TDRD7: variants seen among roughly 807,000 people sequenced by gnomAD.
The protein encoded by TDRD7 is tudor domain containing 7.
Under a neutral mutation model 109.8 loss-of-function variants are expected in TDRD7, and 47 were observed. The ratio of observed to expected loss-of-function variants is 0.43; its 90% CI spans 0.34 to 0.55. TDRD7 has a LOEUF of 0.55. Among genes scored for constraint, TDRD7 ranks in the 20% least tolerant of loss-of-function variants. TDRD7 has a pLI of 0.03. For missense variants in TDRD7, 1,164 were observed against 1,319.2 expected, an observed-to-expected ratio of 0.88 and a Z score of 1.82; for synonymous variants, 424 against 457.3, an observed-to-expected ratio of 0.93 and a Z score of 0.93.
chr9:97,468,976 C>T (rs1828866553), intron 8 of TDRD7, among the ~76,000 whole-genome samples: 1 of 152,212 alleles, frequency 6.6e-6, no homozygotes, highest in Non-Finnish European at 1.5e-5. Context: ...GCCATACAAA[C>T]ATGTATGATT....
intron 8 of TDRD7, among the ~76,000 whole-genome samples, chr9:97,468,540 G>T (rs111501993): frequency 6.6e-5 from 10 of 152,314 alleles, no homozygotes; most frequent in African/African-American, 2.4e-4. Flanking sequence ...TGACAGAGAT[G>T]ATTTCTCCCT....
intron 16 of TDRD7, among the ~76,000 whole-genome samples, chr9:97,487,758 A>G (rs1186799913): frequency 1.3e-5 from 2 of 152,200 alleles, no homozygotes; most frequent in Non-Finnish European, 2.9e-5. Flanking sequence ...TGTAATATCA[A>G]GAAAAACCCT....
intron 6 of TDRD7, among the ~76,000 whole-genome samples, chr9:97,453,105 G>A (rs1374219045): frequency 6.6e-6 from 1 of 152,182 alleles, no homozygotes. Context: ...GACAGTGGGG[G>A]ATGGGGCTTA....
intron 11 of TDRD7, among the ~76,000 whole-genome samples, chr9:97,473,898 G>A (rs925001644): frequency 6.6e-5 from 10 of 152,216 alleles, no homozygotes; most frequent in African/African-American, 2.4e-4. Context: ...TGTAGTCAGT[G>A]CACAGCAATC....
At chr9:97,453,064 T>A (rs1357756308) in intron 6 of TDRD7, among the ~76,000 whole-genome samples, 1 of 152,202 alleles carries the variant, frequency 6.6e-6, no homozygotes, top group Non-Finnish European at 1.5e-5. Context: ...AGAACCCTCT[T>A]ACCTTCTTTG....
chr9:97,490,174 G>A (rs1376132351), intron 16 of TDRD7, among the ~76,000 whole-genome samples: 1 of 152,076 alleles, frequency 6.6e-6, no homozygotes, highest in African/African-American at 2.4e-5. Context: ...TTTTCTTTAT[G>A]TCGATATTAA....
intron 1 of TDRD7, among the ~76,000 whole-genome samples, chr9:97,428,136 T>C (rs549598122): frequency 6.6e-6 from 1 of 152,240 alleles, no homozygotes; most frequent in African/African-American, 2.4e-5. Context: ...CTGATACCAC[T>C]CCCAGCCCCA....
intron 8 of TDRD7, among the ~76,000 whole-genome samples, chr9:97,465,649 C>T (rs1423148378): frequency 6.6e-6 from 1 of 152,166 alleles, no homozygotes; most frequent in African/African-American, 2.4e-5. Flanking sequence ...GGCCTTGGAA[C>T]ACCCAAATAA....
chr9:97,459,757 C>A (rs530541228), intron 6 of TDRD7, among the ~76,000 whole-genome samples: 28 of 152,286 alleles, frequency 1.8e-4, no homozygotes, highest in African/African-American at 6.7e-4. Flanking sequence ...AGATGGCACT[C>A]CTATTTTTTC....
intron 15 of TDRD7, among the ~76,000 whole-genome samples, chr9:97,483,785 A>C (rs1050961144): frequency 2.0e-5 from 3 of 152,138 alleles, no homozygotes; most frequent in African/African-American, 7.2e-5. Flanking sequence ...TTATATGTGC[A>C]TATTTATATA....
At chr9:97,417,633 A>G (rs897946936) in intron 1 of TDRD7, among the ~76,000 whole-genome samples, 26 of 152,344 alleles carry the variant, frequency 1.7e-4, no homozygotes, top group African/African-American at 6.0e-4. Context: ...ATCCAGGAGA[A>G]GGGGCTTATC....
In TDRD7 at chr9:97,465,040, T is replaced by C. The variant is rs1267263359; in HGVS notation, c.1629+12T>C. On this transcript the variant is annotated intron_variant, in intron 8 of 16. Coordinates refer to ENST00000355295, the MANE Select transcript of TDRD7 (RefSeq NM_014290.3). ...AGAACAAAATAAAGGCAAGCACTGT[T>C]TACTTTGTCATAGCATTATGGATAC... is the stretch of plus-strand genomic sequence containing the variant. 1.4e-5 allele frequency: 22 copies of C among 1,612,246 alleles called. No individual in the cohort carries two copies. Among genetic ancestry groups the C allele is most frequent in the Non-Finnish European group, 1.9e-5 (22 of 1,179,038 alleles).
Position 97,441,831 on chromosome 9 carries a change from C to G in TDRD7, c.811C>G (p.Gln271Glu). The change falls in exon 6 of 17, where the codon CAA (glutamine) becomes GAA (glutamate). Residue 271 changes from glutamine to glutamate, a missense_variant. Physicochemically the swap from Gln to Glu is conservative, Grantham distance 29. Transcript: ENST00000355295. The stretch of plus-strand genomic sequence containing the variant: ...AGAGTTATATAAAGAAGACCTTAAT[C>G]AAGGAATTTTACAACAGTTTGAACA... ...YKELYKEDLN[Q>E]GILQQFEHWP... 5 of 1,613,722 alleles carry G rather than the reference C, an allele frequency of 3.1e-6. No individual in the cohort carries two copies. Among genetic ancestry groups the G allele is most frequent in the Non-Finnish European group, 4.2e-6 (5 of 1,179,802 alleles).
intron 1 of TDRD7, among the ~76,000 whole-genome samples, chr9:97,427,835 C>T (rs758980842): frequency 1.3e-5 from 2 of 152,166 alleles, no homozygotes; most frequent in Non-Finnish European, 2.9e-5. Flanking sequence ...TAATCTTTCT[C>T]CTTCCCATTT....
In TDRD7 at chr9:97,428,479, A is replaced by G; in HGVS notation, c.14A>G (p.Asp5Gly). MLEG[D>G]LVSKMLRAVL... ...TTATAGGCAAAGATGCTGGAAGGAG[A>G]TCTGGTTTCAAAGATGCTACGAGCT... The change falls in exon 2 of 17, where the codon GAT becomes GGT. Residue 5 changes from aspartate (D) to glycine (G), a missense_variant. Physicochemically the swap from Asp to Gly is moderately conservative, Grantham distance 94. Transcript: ENST00000355295. 6.2e-7 allele frequency: 1 copy of G among 1,613,946 alleles called. No individual in the cohort carries two copies. Among genetic ancestry groups the G allele is most frequent in the African/African-American group, 1.3e-5 (1 of 75,034 alleles).
At chr9:97,472,979 C>T (rs1268686548) in intron 10 of TDRD7, among the ~76,000 whole-genome samples, 1 of 152,082 alleles carries the variant, frequency 6.6e-6, no homozygotes, top group African/African-American at 2.4e-5. Context: ...AGTAGAACCA[C>T]TGTGAATGTC....
intron 4 of TDRD7, among the ~76,000 whole-genome samples, chr9:97,438,756 C>A (rs964642904): frequency 1.2e-4 from 18 of 152,208 alleles, no homozygotes; most frequent in African/African-American, 4.3e-4. Flanking sequence ...ATGCCACTTT[C>A]ATTATGTACC....
At chr9:97,416,502 T>C (rs1021090671) in intron 1 of TDRD7, among the ~76,000 whole-genome samples, 1 of 152,198 alleles carries the variant, frequency 6.6e-6, no homozygotes, top group Non-Finnish European at 1.5e-5. Flanking sequence ...AGACATTTAC[T>C]AATATTCAAG....
At chr9:97,471,610 G>A (rs1270520192) in intron 9 of TDRD7, among the ~76,000 whole-genome samples, 2 of 152,164 alleles carry the variant, frequency 1.3e-5, no homozygotes, top group Non-Finnish European at 2.9e-5. Flanking sequence ...ATTTAAAGTA[G>A]AAAAATATGG....
Sources: allele counts gnomAD v4.1 joint callset (sites outside exome capture counted in the v4.1 genomes callset), GRCh38; gene constraint gnomAD v4.1.1; transcripts MANE v1.5; gene names NCBI Gene and HGNC (gene_info 2026-07-23, HGNC 2026-07-21).